The following POU6F2 variants were observed in gnomAD, a reference collection of about 807,000 sequenced individuals.
The protein encoded by POU6F2 is POU domain, class 6, transcription factor 2.
Under a neutral mutation model 71.3 loss-of-function variants are expected in POU6F2, and 31 were observed. The observed-to-expected ratio is 0.43, with a 90% confidence interval of 0.33 to 0.59. The LOEUF is 0.59. POU6F2 is among the 20% of genes least tolerant of loss of function. POU6F2 has a pLI of 0.04. For missense variants in POU6F2, 783 were observed against 856.8 expected, an observed-to-expected ratio of 0.91 and a Z score of 1.07; for synonymous variants, 347 against 355.7, an observed-to-expected ratio of 0.98 and a Z score of 0.27.
intron 4 of POU6F2, among the ~76,000 whole-genome samples, chr7:39,260,836 A>G (rs1318821455): frequency 2.0e-5 from 3 of 151,852 alleles, no homozygotes; most frequent in African/African-American, 7.3e-5. Context: ...TACCACAGAC[A>G]CACACAATGC....
intron 1 of POU6F2, among the ~76,000 whole-genome samples, chr7:39,047,191 C>G (rs935652056): frequency 6.6e-6 from 1 of 151,780 alleles, no homozygotes; most frequent in Non-Finnish European, 1.5e-5. Context: ...ATTCCAGGCT[C>G]TCTGCATTTA....
At chr7:39,189,561 G>A (rs1793617819) in intron 2 of POU6F2, among the ~76,000 whole-genome samples, 3 of 150,464 alleles carry the variant, frequency 2.0e-5, no homozygotes, top group Admixed American at 2.0e-4. Flanking sequence ...ACCACGCCCA[G>A]CTAATTTTTA....
chr7:39,141,814 A>G (rs1792509844), intron 2 of POU6F2, among the ~76,000 whole-genome samples: 1 of 152,196 alleles, frequency 6.6e-6, no homozygotes, highest in African/African-American at 2.4e-5. Context: ...CAGACCGGGC[A>G]CGGTGGCTCA....
intron 2 of POU6F2, among the ~76,000 whole-genome samples, chr7:39,191,917 CT>C (rs1236650707): frequency 6.6e-6 from 1 of 152,144 alleles, no homozygotes; most frequent in African/African-American, 2.4e-5. Context: ...TTATAACCAA[CT>C]CTTGGGAAGG....
chr7:39,355,825 T>C (rs1166827072), intron 5 of POU6F2, among the ~76,000 whole-genome samples: 2 of 152,062 alleles, frequency 1.3e-5, no homozygotes, highest in African/African-American at 2.4e-5. Flanking sequence ...AGCTGACAAG[T>C]AGTCCCACCA....
chr7:39,398,989 A>G (rs535202979), intron 5 of POU6F2, among the ~76,000 whole-genome samples: 22 of 152,330 alleles, frequency 1.4e-4, no homozygotes, highest in African/African-American at 4.8e-4. Context: ...AACTGAGGCA[A>G]TCTAGTTCCA....
intron 2 of POU6F2, among the ~76,000 whole-genome samples, chr7:39,144,518 T>C (rs1271360760): frequency 6.6e-6 from 1 of 152,208 alleles, no homozygotes. Flanking sequence ...CCCCTAAGTG[T>C]CTCTATAAGT....
chr7:39,465,017 A>C lies in POU6F2; in HGVS notation c.*331A>C. 1 of 227,340 alleles carries C rather than the reference A, an allele frequency of 4.4e-6. No homozygotes were observed. The highest frequency in any genetic ancestry group is 8.5e-5 in the East Asian group (1 of 11,812). 14.1% of individuals were successfully genotyped at this position (227,340 alleles called of 1,614,324 possible). A position where few individuals can be genotyped will look rare whatever the true frequency, so the allele number is the denominator to read the frequency against. On this transcript the variant is annotated 3_prime_UTR_variant, in exon 10 of 10. Transcript: ENST00000518318. ...TAATGGACTTAAAGCAAACCAAATA[A>C]CCACGTACTTTTTTCTGTATATTAT...
intron 2 of POU6F2, among the ~76,000 whole-genome samples, chr7:39,185,893 GTA>G (rs1484909715): frequency 2.0e-5 from 3 of 147,052 alleles, no homozygotes; most frequent in African/African-American, 5.0e-5. Flanking sequence ...ATATTTATAT[GTA>G]TATGTATATA....
chr7:39,228,469 G>A (rs372538574), intron 4 of POU6F2, among the ~76,000 whole-genome samples: 1 of 152,300 alleles, frequency 6.6e-6, no homozygotes, highest in East Asian at 1.9e-4. Flanking sequence ...TAGCATTTAA[G>A]CAACCATTTG....
intron 4 of POU6F2, among the ~76,000 whole-genome samples, chr7:39,214,346 C>T (rs1056476320): frequency 6.9e-4 from 105 of 152,234 alleles, no homozygotes; most frequent in African/African-American, 2.2e-3. Flanking sequence ...CTCCCCTGCC[C>T]CAGCACTCCT....
chr7:39,444,550 C>A (rs747339078), intron 7 of POU6F2, among the ~76,000 whole-genome samples: 28 of 152,260 alleles, frequency 1.8e-4, no homozygotes, highest in Admixed American at 1.6e-3. Flanking sequence ...CACCACTGCA[C>A]TCCAGCTTGG....
chr7:39,375,893 A>C (rs967387010), intron 5 of POU6F2, among the ~76,000 whole-genome samples: 1 of 152,062 alleles, frequency 6.6e-6, no homozygotes, highest in African/African-American at 2.4e-5. Context: ...TCTGCTCCCA[A>C]ACCCCATCCC....
At chr7:38,996,197 G>A (rs535897223) in intron 1 of POU6F2, among the ~76,000 whole-genome samples, 14 of 151,910 alleles carry the variant, frequency 9.2e-5, no homozygotes, top group African/African-American at 3.1e-4. Flanking sequence ...CTGCCACTAT[G>A]CCTGGCTAAT....
At chr7:39,294,532 CTG>C (rs1360049384) in intron 4 of POU6F2, among the ~76,000 whole-genome samples, 2 of 151,824 alleles carry the variant, frequency 1.3e-5, no homozygotes, top group African/African-American at 4.8e-5. Context: ...AAGAGCCAAA[CTG>C]TGTGTAAGTA....
chr7:39,164,075 T>G (rs1191423526), intron 2 of POU6F2, among the ~76,000 whole-genome samples: 2 of 152,098 alleles, frequency 1.3e-5, no homozygotes, highest in East Asian at 3.9e-4. Context: ...TGAAAATTGC[T>G]AAGAGGGTAA....
chr7:38,996,131 C>T (rs887286314), intron 1 of POU6F2, among the ~76,000 whole-genome samples: 2 of 150,750 alleles, frequency 1.3e-5, no homozygotes, highest in African/African-American at 4.9e-5. Context: ...CCTCCACCTC[C>T]CTGGTTCAAG....
At chr7:39,218,763 A>C (rs1794292420) in intron 4 of POU6F2, among the ~76,000 whole-genome samples, 1 of 152,074 alleles carries the variant, frequency 6.6e-6, no homozygotes, top group African/African-American at 2.4e-5. Flanking sequence ...TGATGGGTTA[A>C]ATGTAGAGGG....
intron 5 of POU6F2, among the ~76,000 whole-genome samples, chr7:39,366,569 A>T (rs1786505876): frequency 6.6e-6 from 1 of 152,170 alleles, no homozygotes; most frequent in South Asian, 2.1e-4. Flanking sequence ...AGCAGCAACG[A>T]CCAGCAAGCA....
Sources: gnomAD v4.1 joint callset for allele counts (sites outside exome capture counted in the v4.1 genomes callset) on GRCh38, gnomAD v4.1.1 for gene constraint, MANE v1.5 for transcripts, NCBI Gene and HGNC (gene_info 2026-07-23, HGNC 2026-07-21) for gene names.